Variants in NEGR1 observed in about 807,000 individuals in gnomAD.
NEGR1 encodes IgLON family member 4.
In NEGR1, 10 loss-of-function variants were observed where a neutral mutation model predicts 40.9. The observed-to-expected ratio is 0.24, with a 90% CI of 0.15 to 0.42. The LOEUF (loss-of-function observed/expected upper bound fraction) is 0.42, where lower values mean the gene tolerates loss of function less well. NEGR1 is among the 10% of genes least tolerant of loss of function. The pLI, the probability that NEGR1 is intolerant of heterozygous loss-of-function variation, is 1.00. For synonymous variants in NEGR1, 185 were observed against 166.8 expected (o/e 1.11, Z -0.84); for missense variants, 352 against 438.9 (o/e 0.80, Z 1.77).
intron 1 of NEGR1, among the ~76,000 whole-genome samples, chr1:72,099,302 T>A (rs1477889292): frequency 6.6e-6 from 1 of 152,002 alleles, no homozygotes; most frequent in East Asian, 1.9e-4. Flanking sequence ...CAATTGCTTT[T>A]CCTATCCTAG....
At chr1:72,096,330 A>T (rs1343668358) in intron 1 of NEGR1, among the ~76,000 whole-genome samples, 1 of 152,132 alleles carries the variant, frequency 6.6e-6, no homozygotes, top group Non-Finnish European at 1.5e-5. Context: ...GTGATTATTT[A>T]TTATTTTATT....
In NEGR1 at chr1:71,444,973, C is replaced by T. The variant is rs982509842; in HGVS notation, c.941-37403G>A. On this transcript the variant is annotated intron_variant, in intron 6 of 6. Transcript: ENST00000357731. Reference sequence around the variant, plus strand: ...ACCACAGCTCAGGCATATAAATGGACATAATCTCTGTTCTCATGGAGTTTA... The same window carrying T: ...ACCACAGCTCAGGCATATAAATGGATATAATCTCTGTTCTCATGGAGTTTA... Among the ~76,000 whole-genome samples the T allele has an allele frequency of 4.4e-4, 67 of 152,236 alleles. 1 individual carries two copies. The highest frequency in any genetic ancestry group is 1.6e-3 in the African/African-American group (66 of 41,566).
At chr1:72,224,693 T>A (rs919017427) in intron 1 of NEGR1, among the ~76,000 whole-genome samples, 1 of 152,052 alleles carries the variant, frequency 6.6e-6, no homozygotes, top group Non-Finnish European at 1.5e-5. Flanking sequence ...ACTTTTTTTT[T>A]TAAATGACGT....
rs548234494 is a variant in NEGR1 at position 71,925,444 on chromosome 1, G to A, written c.409+9635C>T. Among the ~76,000 whole-genome samples the A allele has an allele frequency of 1.1e-4, 16 of 152,316 alleles. No individual in the cohort carries two copies. The South Asian group carries it at 3.3e-3, about 32-fold the overall frequency. ...AGGGATGGGTGGCGAAGTATGGGAA[G>A]AGAGATATTGGAACATAGCCTCACT... is the stretch of plus-strand genomic sequence containing the variant. On this transcript the variant is annotated intron_variant, in intron 2 of 6. Transcript: ENST00000357731.
intron 6 of NEGR1, among the ~76,000 whole-genome samples, chr1:71,567,989 A>G (rs1398765268): frequency 6.6e-6 from 1 of 152,132 alleles, no homozygotes; most frequent in Non-Finnish European, 1.5e-5. Context: ...TAAGAAGTAA[A>G]TTTCTGTTGT....
At chr1:71,886,663 C>A (rs1021990007) in intron 2 of NEGR1, among the ~76,000 whole-genome samples, 2 of 152,100 alleles carry the variant, frequency 1.3e-5, no homozygotes, top group Non-Finnish European at 2.9e-5. Flanking sequence ...TGTCACTCAC[C>A]TTTTCCCCAA....
intron 3 of NEGR1, among the ~76,000 whole-genome samples, chr1:71,700,389 T>C (rs1324736058): frequency 1.3e-5 from 2 of 152,036 alleles, no homozygotes; most frequent in African/African-American, 4.8e-5. Flanking sequence ...CATTTGTGAA[T>C]GGTTACTTAG....
At chr1:72,243,599 T>C (rs189549900) in intron 1 of NEGR1, among the ~76,000 whole-genome samples, 67 of 149,406 alleles carry the variant, frequency 4.5e-4, no homozygotes, top group Middle Eastern at 3.4e-3. Flanking sequence ...AGTCTTGATA[T>C]TGAGTATATT....
chr1:72,170,133 G>A (rs1201971144), intron 1 of NEGR1, among the ~76,000 whole-genome samples: 1 of 152,044 alleles, frequency 6.6e-6, no homozygotes, highest in Non-Finnish European at 1.5e-5. Flanking sequence ...TCCTGTTTTA[G>A]ATAGTTCTGT....
intron 6 of NEGR1, among the ~76,000 whole-genome samples, chr1:71,493,669 C>T (rs566639331): frequency 9.9e-5 from 15 of 152,238 alleles, no homozygotes; most frequent in East Asian, 1.9e-4. Context: ...ATTTAAAATA[C>T]GGTGTTCAAA....
At chr1:71,793,629 G>A (rs1282882611) in intron 2 of NEGR1, among the ~76,000 whole-genome samples, 1 of 151,916 alleles carries the variant, frequency 6.6e-6, no homozygotes, top group Non-Finnish European at 1.5e-5. Flanking sequence ...TACAAGAAAA[G>A]CAATTTCACT....
intron 1 of NEGR1, among the ~76,000 whole-genome samples, chr1:72,141,308 C>T (rs1412897929): frequency 6.6e-6 from 1 of 151,874 alleles, no homozygotes; most frequent in East Asian, 1.9e-4. Flanking sequence ...TATGTCATTT[C>T]TAAGAAATTA....
intron 4 of NEGR1, among the ~76,000 whole-genome samples, chr1:71,645,343 T>C (rs1159509028): frequency 6.6e-6 from 1 of 151,984 alleles, no homozygotes; most frequent in Admixed American, 6.6e-5. Context: ...GAATAACAGC[T>C]CAATATACTA....
intron 3 of NEGR1, among the ~76,000 whole-genome samples, chr1:71,750,598 C>A (rs1655539588): frequency 6.6e-6 from 1 of 152,082 alleles, no homozygotes; most frequent in African/African-American, 2.4e-5. Context: ...CTTTATAAAA[C>A]CATCAGCTCT....
intron 5 of NEGR1, among the ~76,000 whole-genome samples, chr1:71,608,746 CAATGATGTCCT>C (rs1000660623): frequency 2.6e-5 from 4 of 152,136 alleles, no homozygotes; most frequent in Non-Finnish European, 5.9e-5. Context: ...GGAACTCCTG[CAATGATGTCCT>C]AATTTAGAGA....
intron 4 of NEGR1, among the ~76,000 whole-genome samples, chr1:71,630,098 T>C (rs1017672263): frequency 7.9e-5 from 12 of 152,028 alleles, no homozygotes; most frequent in Non-Finnish European, 1.8e-4. Flanking sequence ...TATAGAGCTA[T>C]ATTTTGCTCA....
At chr1:72,037,546 A>T (rs1352335313) in intron 1 of NEGR1, among the ~76,000 whole-genome samples, 1 of 152,032 alleles carries the variant, frequency 6.6e-6, no homozygotes, top group Non-Finnish European at 1.5e-5. Context: ...TTTGGGAAGC[A>T]CTCTGCCTTT....
At chr1:72,223,834 A>C (rs1654089483) in intron 1 of NEGR1, among the ~76,000 whole-genome samples, 1 of 152,138 alleles carries the variant, frequency 6.6e-6, no homozygotes, top group African/African-American at 2.4e-5. Flanking sequence ...AAATATCGAG[A>C]ATAAATTAGC....
chr1:71,895,990 A>G (rs1490056371), intron 2 of NEGR1, among the ~76,000 whole-genome samples: 1 of 150,454 alleles, frequency 6.6e-6, no homozygotes, highest in Non-Finnish European at 1.5e-5. Context: ...GTTAAGTGGC[A>G]TCTCATTGTG....
Sources: allele counts gnomAD v4.1 joint callset (sites outside exome capture counted in the v4.1 genomes callset), GRCh38; gene constraint gnomAD v4.1.1; transcripts MANE v1.5; gene names NCBI Gene and HGNC (gene_info 2026-07-23, HGNC 2026-07-21).